The following CHGB variants were observed in gnomAD, a reference collection of about 807,000 sequenced individuals.
The protein encoded by CHGB is secretogranin-1.
A neutral mutation model predicts 69.9 loss-of-function variants in CHGB; 46 were observed. The observed-to-expected ratio is 0.66, with a 90% CI of 0.52 to 0.84. The LOEUF (loss-of-function observed/expected upper bound fraction) is 0.84. Ranked by LOEUF, CHGB falls within the 40% of genes least tolerant of loss-of-function variation. The pLI is 0.00. For missense variants in CHGB, 796 were observed against 822.2 expected (o/e 0.97, Z 0.39); for synonymous variants, 312 against 298.2 (o/e 1.05, Z -0.48).
intron 3 of CHGB, chr20:5,917,132 G>C (rs446659): frequency 0.39 from 223,786 of 569,390 alleles, 46,326 homozygotes; most frequent in African/African-American, 0.55. Context: ...AGGAAAGACA[G>C]TTTGCCTCTC....
At position 5,921,621 on chromosome 20, in the gene CHGB, A is replaced by G. The variant is rs150966174; in HGVS notation, c.191-714A>G. The stretch of plus-strand genomic sequence containing the variant: ...CTCACTGTGCTGAAGTCTGTCCCCA[A>G]CATCTGAGAACATGTTGGGTGGATG... On this transcript the variant is annotated intron_variant, in intron 3 of 4. Coordinates refer to ENST00000378961, the MANE Select transcript of CHGB (RefSeq NM_001819.3). 6.5e-4 allele frequency among the ~76,000 whole-genome samples: 99 copies of G among 152,336 alleles called. 1 individual carries two copies. Among genetic ancestry groups the G allele is most frequent in the South Asian group, 4.6e-3 (22 of 4,830 alleles).
chr20:5,922,788 C>T lies in CHGB; in HGVS notation c.644C>T (p.Ala215Val), dbSNP rs746290016. 1.9e-6 allele frequency: 3 copies of T among 1,614,066 alleles called. No individual in the cohort carries two copies. Among genetic ancestry groups the T allele is most frequent in the Non-Finnish European group, 1.7e-6 (2 of 1,180,028 alleles). Residue 215 changes from alanine to valine, a missense_variant, in exon 4 of 5, where the codon GCC becomes GTC. Transcript: ENST00000378961. ...ASAIKKEELV[A>V]RSETHAAGHS... ...GCTATAAAAAAAGAGGAGTTAGTGG[C>T]CAGATCGGAAACACATGCTGCCGGG...
At chr20:5,917,366 T>A (rs1372732619) in intron 3 of CHGB, 1 of 160,866 alleles carries the variant, frequency 6.2e-6, no homozygotes, top group African/African-American at 2.4e-5. Context: ...CTTTGCCTTT[T>A]GCTCTTCTGA....
intron 2 of CHGB, 50 bp downstream of exon 2, chr20:5,916,422 A>G: frequency 6.8e-7 from 1 of 1,476,542 alleles, no homozygotes; most frequent in Non-Finnish European, 9.4e-7. Flanking sequence ...TAGACTCTAG[A>G]TTCTCCCAGT....
intron 3 of CHGB, among the ~76,000 whole-genome samples, chr20:5,922,053 T>C (rs2088516950): frequency 6.6e-6 from 1 of 152,216 alleles, no homozygotes; most frequent in Admixed American, 6.5e-5. Context: ...TTCATAAATC[T>C]ATATCTCGAT....
In CHGB at chr20:5,918,629, A is replaced by G. The variant is rs548668815; in HGVS notation, c.190+1710A>G. On this transcript the variant is annotated intron_variant, in intron 3 of 4. Transcript: ENST00000378961. ...AGATCAAGACCATCCTGTCTAACACAGTGAAACCCCATCTCTACTAAAAAT... is the reference window on the plus strand; with the variant it reads ...AGATCAAGACCATCCTGTCTAACACGGTGAAACCCCATCTCTACTAAAAAT... 1.3e-4 allele frequency among the ~76,000 whole-genome samples: 20 copies of G among 150,886 alleles called. No homozygotes were observed. In the South Asian group the frequency reaches 3.4e-3, roughly 25 times the overall value.
intron 2 of CHGB, 38 bp from the exon 3 acceptor site, chr20:5,916,788 T>C (rs2088477805): frequency 1.3e-6 from 2 of 1,592,880 alleles, no homozygotes; most frequent in South Asian, 1.1e-5. Context: ...CATCCAGTGA[T>C]ACCAGCTTCT....
intron 1 of CHGB, 148 bp from the exon 2 acceptor site, chr20:5,916,178 C>T (rs2088474233): frequency 7.8e-6 from 5 of 641,956 alleles, no homozygotes; most frequent in South Asian, 2.0e-5. Context: ...TGATTTATAC[C>T]GGATCTAAAA....
intron 1 of CHGB, 87 bp from the exon 2 acceptor site, chr20:5,916,239 A>AT: frequency 1.0e-6 from 1 of 965,536 alleles, no homozygotes; most frequent in East Asian, 2.5e-5. Flanking sequence ...AAAAACAACA[A>AT]CTAATGTGGG....
At chr20:5,917,319 G>T in intron 3 of CHGB, 1 of 170,714 alleles carries the variant, frequency 5.9e-6, no homozygotes, top group South Asian at 1.6e-4. Flanking sequence ...TGGAAGTGTT[G>T]GACAATGACA....
Position 5,925,295 on chromosome 20 carries a change from G to A in CHGB, c.*246G>A, listed in dbSNP as rs56036689. The A allele has an allele frequency of 2.7e-3, 722 of 271,854 alleles. 4 individuals are homozygous for A. Among genetic ancestry groups the A allele is most frequent in the South Asian group, 0.013 (177 of 13,208 alleles). The allele number at this position is 271,854 out of a possible 1,614,324, so 16.8% of individuals were successfully genotyped here. On this transcript the variant is annotated 3_prime_UTR_variant, in exon 5 of 5. Coordinates refer to ENST00000378961, the MANE Select transcript of CHGB (RefSeq NM_001819.3). ...TATTAACATGCTTATGACAATGACTGTGCTACTGTCTTTGGAAAAATGTTT... is the reference window on the plus strand; with the variant it reads ...TATTAACATGCTTATGACAATGACTATGCTACTGTCTTTGGAAAAATGTTT...
chr20:5,923,020 G>T lies in CHGB; in HGVS notation c.876G>T (p.Arg292Ser). 14 of 1,612,612 alleles carry T rather than the reference G, an allele frequency of 8.7e-6. No homozygotes were observed. Among genetic ancestry groups the T allele is most frequent in the Non-Finnish European group, 1.2e-5 (14 of 1,179,338 alleles). ...RHHHGRSRPDRSSQGGSLPSE... is the reference protein window; with the variant it reads ...RHHHGRSRPDSSSQGGSLPSE... ...ACCACGGGAGGAGCAGGCCCGACAGGTCCTCTCAAGGAGGGAGTCTTCCCT... is the reference window on the plus strand; with the variant it reads ...ACCACGGGAGGAGCAGGCCCGACAGTTCCTCTCAAGGAGGGAGTCTTCCCT... Residue 292 changes from arginine to serine, a missense_variant, in exon 4 of 5, where the codon AGG becomes AGT. Coordinates refer to ENST00000378961, the MANE Select transcript of CHGB (RefSeq NM_001819.3).
rs774814252 is a variant in CHGB at position 5,923,566 on chromosome 20, C to A, written c.1422C>A (p.Tyr474Ter). Residue 474 changes from tyrosine to a stop codon, truncating the protein, a stop_gained, in exon 4 of 5, where the codon TAC becomes TAA. Coordinates refer to ENST00000378961, the MANE Select transcript of CHGB (RefSeq NM_001819.3). LOFTEE classifies it high-confidence loss of function. Reference protein sequence around the residue: ...WKELDRNYLNYGEEGAPGKWQ... With the variant: ...WKELDRNYLN ...AGCTGGACAGAAATTATCTCAACTACGGTGAGGAAGGAGCCCCAGGGAAGT... is the reference window on the plus strand; with the variant it reads ...AGCTGGACAGAAATTATCTCAACTAAGGTGAGGAAGGAGCCCCAGGGAAGT... 2 of 1,614,034 alleles carry A rather than the reference C, an allele frequency of 1.2e-6. No individual in the cohort carries two copies. The highest frequency in any genetic ancestry group is 4.5e-5 in the East Asian group (2 of 44,870).
intron 3 of CHGB, among the ~76,000 whole-genome samples, chr20:5,918,810 T>TAAAAAAAA (rs71182109): frequency 9.9e-4 from 31 of 31,456 alleles, no homozygotes; most frequent in African/African-American, 3.5e-3. Flanking sequence ...AGTCTCTGTC[T>TAAAAAAAA]AAAAAAAAAA....
intron 3 of CHGB, chr20:5,917,802 A>T (rs1427620014): frequency 1.3e-5 from 2 of 148,560 alleles, no homozygotes; most frequent in Non-Finnish European, 2.9e-5. Context: ...ACTTTTAGTC[A>T]GGCTGGGAAC....
At chr20:5,913,628 C>CTTTTCTTTTCTTTTTTTTTTTTTTTT (rs1289315671) in intron 1 of CHGB, among the ~76,000 whole-genome samples, 1 of 90,474 alleles carries the variant, frequency 1.1e-5, no homozygotes, top group African/African-American at 3.7e-5. Context: ...CTTTTCTTTT[C>CTTTTCTTTTCTTTTTTTTTTTTTTTT]TTTTTTTTTT....
Position 5,923,032 on chromosome 20 carries a change from A to C in CHGB, c.888A>C (p.Gly296=). The change falls in exon 4 of 5, where the codon GGA becomes GGC. Residue 296 remains glycine (G), a synonymous_variant. Transcript: ENST00000378961. ...GRSRPDRSSQ[G]GSLPSEEKGH... is the part of the protein sequence containing the mutation. ...GCAGGCCCGACAGGTCCTCTCAAGGAGGGAGTCTTCCCTCTGAGGAAAAGG... is the reference window on the plus strand; with the variant it reads ...GCAGGCCCGACAGGTCCTCTCAAGGCGGGAGTCTTCCCTCTGAGGAAAAGG... 6.2e-7 allele frequency: 1 copy of C among 1,613,466 alleles called. No homozygotes were observed. The highest frequency in any genetic ancestry group is 8.5e-7 in the Non-Finnish European group (1 of 1,179,704).
In CHGB at chr20:5,925,086, C is replaced by T. The variant is rs376142876; in HGVS notation, c.*37C>T. ...GCGGTGGGCACTGTTAAGAAGCAGCCATCACATGATCTGTTTTTCACCACT... is the reference window on the plus strand; with the variant it reads ...GCGGTGGGCACTGTTAAGAAGCAGCTATCACATGATCTGTTTTTCACCACT... On this transcript the variant is annotated 3_prime_UTR_variant, in exon 5 of 5. Coordinates refer to ENST00000378961, the MANE Select transcript of CHGB (RefSeq NM_001819.3). The T allele has an allele frequency of 7.0e-7, 1 of 1,424,992 alleles. No individual in the cohort carries two copies. The highest frequency in any genetic ancestry group is 1.4e-5 in the African/African-American group (1 of 70,346). The allele number at this position is 1,424,992 out of a possible 1,614,324, so 88.3% of individuals were successfully genotyped here. A position where few individuals can be genotyped will look rare whatever the true frequency, so the allele number is the denominator to read the frequency against.
rs1481107696 is a variant in CHGB at position 5,911,667 on chromosome 20, G to A, written c.34G>A (p.Ala12Thr). 4.7e-6 allele frequency: 7 copies of A among 1,491,544 alleles called. No individual in the cohort carries two copies. Among genetic ancestry groups the A allele is most frequent in the South Asian group, 2.5e-5 (2 of 79,548 alleles). The allele number at this position is 1,491,544 out of a possible 1,614,324, so 92.4% of individuals were successfully genotyped here. A position where few individuals can be genotyped will look rare whatever the true frequency, so the allele number is the denominator to read the frequency against. The change falls in exon 1 of 5, where the codon GCC becomes ACC. Residue 12 changes from alanine (A) to threonine (T), a missense_variant. By Grantham distance (58) the Ala-to-Thr change is moderately conservative. Transcript: ENST00000378961. ...QPTLLLSLLG[A>T]VGLAAVNSMP... ...AACGCTGCTTCTCAGCCTCCTGGGA[G>A]CCGTGGGGCTGGCGGGTGAGTGGGC...
Sources: allele counts gnomAD v4.1 joint callset (sites outside exome capture counted in the v4.1 genomes callset), GRCh38; gene constraint gnomAD v4.1.1; transcripts MANE v1.5; gene names NCBI Gene and HGNC (gene_info 2026-07-23, HGNC 2026-07-21).